Variants in MOB1B observed in about 807,000 individuals in gnomAD.
The protein encoded by MOB1B is MOB1 Mps One Binder homolog B.
MOB1B carries 19 observed loss-of-function variants against 24.4 expected under a neutral mutation model. The observed-to-expected ratio is 0.78, with a 90% CI of 0.54 to 1.14. The LOEUF (loss-of-function observed/expected upper bound fraction) is 1.14. MOB1B is among the 50% of genes most tolerant of loss of function. MOB1B has a pLI of 0.00. For synonymous variants in MOB1B, 76 were observed against 82.1 expected (o/e 0.93, Z 0.40); for missense variants, 243 against 259.6 (o/e 0.94, Z 0.44).
At chr4:70,928,330 G>T (rs531685320) in intron 1 of MOB1B, among the ~76,000 whole-genome samples, 2 of 144,844 alleles carry the variant, frequency 1.4e-5, no homozygotes, top group Admixed American at 7.1e-5. Context: ...GAGTCTTGCT[G>T]TGTCACCTAG....
rs750105577 is a variant in MOB1B at position 70,958,909 on chromosome 4, A to T, written c.50A>T (p.Lys17Met). The part of the protein sequence containing the change: ...SRSSKTFKPK[K>M]NIPEGSHQYE... ...TCTTCTAAAACTTTTAAACCAAAGA[A>T]GAACATTCCAGAGGGTTCTCACCAG... is the stretch of plus-strand genomic sequence containing the variant. Residue 17 changes from lysine to methionine, a missense_variant, in exon 2 of 6, where the codon AAG becomes ATG. Coordinates refer to ENST00000309395, the MANE Select transcript of MOB1B (RefSeq NM_173468.4). 1.9e-6 allele frequency: 3 copies of T among 1,613,146 alleles called. No individual in the cohort carries two copies. Among genetic ancestry groups the T allele is most frequent in the African/African-American group, 2.7e-5 (2 of 74,866 alleles).
In MOB1B at chr4:70,985,752, T is replaced by A. The variant is rs1475087796; in HGVS notation, c.*3695T>A. On this transcript the variant is annotated 3_prime_UTR_variant, in exon 6 of 6. Coordinates refer to ENST00000309395, the MANE Select transcript of MOB1B (RefSeq NM_173468.4). ...CCAGGCTGGTCTCAAACTCCTGACC[T>A]CAAGTGATCCGCCCTCCCCAGCCTC... 6.6e-6 allele frequency: 1 copy of A among 152,256 alleles called. No homozygotes were observed. Among genetic ancestry groups the A allele is most frequent in the Admixed American group, 6.5e-5 (1 of 15,272 alleles). 9.4% of individuals were successfully genotyped at this position (152,256 alleles called of 1,614,324 possible).
intron 1 of MOB1B, among the ~76,000 whole-genome samples, chr4:70,908,801 C>T (rs1052819116): frequency 6.8e-6 from 1 of 146,902 alleles, no homozygotes; most frequent in Non-Finnish European, 1.5e-5. Context: ...AGCAATTTAG[C>T]AGCACTTTGG....
intron 1 of MOB1B, among the ~76,000 whole-genome samples, chr4:70,907,057 G>C (rs1735777081): frequency 6.6e-6 from 1 of 152,168 alleles, no homozygotes; most frequent in Non-Finnish European, 1.5e-5. Context: ...AAATGGGAGA[G>C]TACAGTCAGA....
chr4:70,929,736 C>G (rs1294479772), intron 1 of MOB1B, among the ~76,000 whole-genome samples: 1 of 151,830 alleles, frequency 6.6e-6, no homozygotes, highest in Admixed American at 6.6e-5. Flanking sequence ...AGCTCCGCCT[C>G]CTGGGTTTAC....
chr4:70,966,043 G>C lies in MOB1B; in HGVS notation c.182-3888G>C, dbSNP rs185392210. On this transcript the variant is annotated intron_variant, in intron 2 of 5. Transcript: ENST00000309395. ...AAGGAAGAAATAACGCCAGCCTTTG[G>C]CTCTTACAAAGAATGGAAAAAATAT... 2.5e-3 allele frequency among the ~76,000 whole-genome samples: 373 copies of C among 152,136 alleles called. 2 individuals carry two copies. Among genetic ancestry groups the C allele is most frequent in the African/African-American group, 8.5e-3 (352 of 41,532 alleles).
chr4:70,902,602 C>CCCGCCCGCCGCCCG lies in MOB1B; in HGVS notation c.14+60_14+73dup, dbSNP rs373267974. 35 of 1,498,994 alleles carry CCCGCCCGCCGCCCG rather than the reference C, an allele frequency of 2.3e-5. 1 individual carries two copies. The highest frequency in any genetic ancestry group is 4.1e-4 in the Middle Eastern group (2 of 4,888). 92.9% of individuals were successfully genotyped at this position (1,498,994 alleles called of 1,614,324 possible). A position where few individuals can be genotyped will look rare whatever the true frequency, so the allele number is the denominator to read the frequency against. On this transcript the variant is annotated intron_variant, in intron 1 of 5. Coordinates refer to ENST00000309395, the MANE Select transcript of MOB1B (RefSeq NM_173468.4). ...GGCTTTGTTCGGGTGGACCTGGGCC[C>CCCGCCCGCCGCCCG]CCGCCCGCCGCCCGCCGCCCGTCGC... is the stretch of plus-strand genomic sequence containing the variant.
intron 1 of MOB1B, among the ~76,000 whole-genome samples, chr4:70,949,376 CT>C (rs1737711184): frequency 6.6e-6 from 1 of 152,166 alleles, no homozygotes; most frequent in Non-Finnish European, 1.5e-5. Context: ...CTTTTCAATA[CT>C]CATAGCTTTT....
chr4:70,967,215 C>A (rs1478518793), intron 2 of MOB1B, among the ~76,000 whole-genome samples: 1 of 151,422 alleles, frequency 6.6e-6, no homozygotes, highest in Admixed American at 6.6e-5. Flanking sequence ...CTCACTGCAA[C>A]CTCCGCCTCC....
intron 1 of MOB1B, among the ~76,000 whole-genome samples, chr4:70,908,765 A>G (rs1735857798): frequency 1.6e-5 from 1 of 61,654 alleles, no homozygotes; most frequent in Non-Finnish European, 3.2e-5. Context: ...ACACAGTGAG[A>G]CTTCGTCTTA....
chr4:70,919,449 A>C (rs2148872268), intron 1 of MOB1B, among the ~76,000 whole-genome samples: 1 of 152,328 alleles, frequency 6.6e-6, no homozygotes, highest in South Asian at 2.1e-4. Flanking sequence ...TTTTACCAAA[A>C]AAACCTCACA....
Position 70,931,375 on chromosome 4 carries a change from A to T in MOB1B, c.15-27499A>T, listed in dbSNP as rs866284287. ...GACTTTAGGTGGTGGTAGTTACAAAACTTATAATTTGGGCAAAATCATCGT... is the reference window on the plus strand; with the variant it reads ...GACTTTAGGTGGTGGTAGTTACAAATCTTATAATTTGGGCAAAATCATCGT... On this transcript the variant is annotated intron_variant, in intron 1 of 5. Coordinates refer to ENST00000309395, the MANE Select transcript of MOB1B (RefSeq NM_173468.4). Among the ~76,000 whole-genome samples, 26 of 152,272 alleles carry T rather than the reference A, an allele frequency of 1.7e-4. 1 individual carries two copies. Among genetic ancestry groups the T allele is most frequent in the Middle Eastern group, 6.8e-3 (2 of 294 alleles).
At chr4:70,915,169 G>A (rs1288201703) in intron 1 of MOB1B, among the ~76,000 whole-genome samples, 1 of 152,164 alleles carries the variant, frequency 6.6e-6, no homozygotes, top group African/African-American at 2.4e-5. Context: ...CTATCGGTTT[G>A]TTATGGTATG....
rs1739259978 is a variant in MOB1B at position 70,982,830 on chromosome 4, G to GTT, written c.*774_*775dup. On this transcript the variant is annotated 3_prime_UTR_variant, in exon 6 of 6. Coordinates refer to ENST00000309395, the MANE Select transcript of MOB1B (RefSeq NM_173468.4). ...CTGCACTGTAGATGTAAAAATTCAGGTTATATATAGGATTGCCATCTTCAG... is the reference window on the plus strand; with the variant it reads ...CTGCACTGTAGATGTAAAAATTCAGGTTTTATATATAGGATTGCCATCTTCAG... The GTT allele has an allele frequency of 6.6e-6, 1 of 152,428 alleles. No homozygotes were observed. The highest frequency in any genetic ancestry group is 1.5e-5 in the Non-Finnish European group (1 of 67,982). 9.4% of individuals were successfully genotyped at this position (152,428 alleles called of 1,614,324 possible).
rs1439745075 is a variant in MOB1B, at chr4:70,982,590, C to T, written c.*533C>T. The stretch of plus-strand genomic sequence containing the variant: ...ATAGTTTACCTAAAATGGTGATTTC[C>T]AGCCTTTACTGCTTTGAAGAAACAG... On this transcript the variant is annotated 3_prime_UTR_variant, in exon 6 of 6. Transcript: ENST00000309395. The T allele has an allele frequency of 6.6e-6, 1 of 152,574 alleles. No homozygotes were observed. Among genetic ancestry groups the T allele is most frequent in the African/African-American group, 2.4e-5 (1 of 41,442 alleles). 9.5% of individuals were successfully genotyped at this position (152,574 alleles called of 1,614,324 possible).
intron 4 of MOB1B, chr4:70,975,760 A>T: frequency 1.0e-6 from 1 of 974,934 alleles, no homozygotes; most frequent in Non-Finnish European, 1.2e-6. Context: ...GGTTATTCCT[A>T]TTCTAGGAAC....
intron 3 of MOB1B, among the ~76,000 whole-genome samples, chr4:70,972,976 T>C (rs1738824500): frequency 6.6e-6 from 1 of 152,024 alleles, no homozygotes; most frequent in Admixed American, 6.6e-5. Context: ...GGTTTCACTG[T>C]GTTAGCCAGG....
rs1455403807 is a variant in MOB1B at position 70,983,180 on chromosome 4, T to G, written c.*1123T>G. The G allele has an allele frequency of 6.6e-6, 1 of 152,558 alleles. No individual in the cohort carries two copies. Among genetic ancestry groups the G allele is most frequent in the African/African-American group, 2.4e-5 (1 of 41,452 alleles). The allele number at this position is 152,558 out of a possible 1,614,324, so 9.5% of individuals were successfully genotyped here. On this transcript the variant is annotated 3_prime_UTR_variant, in exon 6 of 6. Transcript: ENST00000309395. ...GACATTAAACATGGAATTTAAGGACTGTTGGGGGAAATTGATCACTTCTTA... is the reference window on the plus strand; with the variant it reads ...GACATTAAACATGGAATTTAAGGACGGTTGGGGGAAATTGATCACTTCTTA...
intron 1 of MOB1B, among the ~76,000 whole-genome samples, chr4:70,923,940 CAA>C (rs34422316): frequency 1.8e-4 from 10 of 54,252 alleles, no homozygotes; most frequent in South Asian, 5.9e-4. Flanking sequence ...GAGTGAGACT[CAA>C]AAAAAAAAAA....
Sources: allele counts gnomAD v4.1 joint callset (sites outside exome capture counted in the v4.1 genomes callset), GRCh38; gene constraint gnomAD v4.1.1; transcripts MANE v1.5; gene names NCBI Gene and HGNC (gene_info 2026-07-23, HGNC 2026-07-21).